PNMA6E: variants seen among roughly 807,000 people sequenced by gnomAD.
PNMA6E encodes the protein paraneoplastic antigen Ma6E.
For synonymous variants in PNMA6E, 43 were observed against 17.1 expected, an observed-to-expected ratio of 2.52 and a Z score of -3.74; for missense variants, 78 against 50.8, an observed-to-expected ratio of 1.53 and a Z score of -1.63.
chrX:153,411,111 T>C, the PNMA6E span, among the ~76,000 whole-genome samples: 1 of 111,529 alleles, frequency 9.0e-6, no homozygotes, highest in Admixed American at 9.4e-5. Flanking sequence ...GTCACTCCTT[T>C]ACTGAGTGAC....
chrX:153,410,525 C>T, the PNMA6E span, among the ~76,000 whole-genome samples: 1 of 111,714 alleles, frequency 9.0e-6, no homozygotes, highest in Non-Finnish European at 1.9e-5. Flanking sequence ...CTGCACTGGG[C>T]CCCCTGGGGG....
Sources: allele counts gnomAD v4.1 joint callset (sites outside exome capture counted in the v4.1 genomes callset), GRCh38; gene constraint gnomAD v4.1.1; transcripts MANE v1.5; gene names NCBI Gene and HGNC (gene_info 2026-07-23, HGNC 2026-07-21).